The following KDM2A variants were observed in gnomAD, a reference collection of about 807,000 sequenced individuals.
KDM2A encodes the protein lysine-specific demethylase 2A.
In KDM2A, 3 loss-of-function variants were observed where a neutral mutation model predicts 137.3. That is an observed-to-expected ratio of 0.02 (90% confidence interval 0.01 to 0.06). The LOEUF is 0.06. KDM2A is among the 10% of genes least tolerant of loss of function. The probability of loss-of-function intolerance (pLI) is 1.00; values close to 1 mark genes in which losing one functional copy is unlikely to be tolerated. For synonymous variants in KDM2A, 512 were observed against 541.5 expected (o/e 0.95, Z 0.76); for missense variants, 738 against 1,510.6 (o/e 0.49, Z 8.48).
intron 17 of KDM2A, among the ~76,000 whole-genome samples, chr11:67,251,558 T>A (rs1355659646): frequency 6.6e-6 from 1 of 152,232 alleles, no homozygotes; most frequent in African/African-American, 2.4e-5. Flanking sequence ...TAGTGTGGTG[T>A]CCTGACCAAT....
chr11:67,215,491 C>A, intron 7 of KDM2A, 45 bp downstream of exon 7: 5 of 1,257,770 alleles, frequency 4.0e-6, no homozygotes, highest in South Asian at 2.4e-5. Context: ...TGTGGGAGAC[C>A]AAAGCAATAG....
Position 67,255,217 on chromosome 11 carries a change from G to T in KDM2A, c.*162G>T, listed in dbSNP as rs1007965944. On this transcript the variant is annotated 3_prime_UTR_variant, in exon 21 of 21. Coordinates refer to ENST00000529006, the MANE Select transcript of KDM2A (RefSeq NM_012308.3). ...CTCTACAGGTGGGGCAGAGAGGGTG[G>T]TGGACACCAGGCTTATCTGCCTGCT... 7 of 639,526 alleles carry T rather than the reference G, an allele frequency of 1.1e-5. No homozygotes were observed. In the African/African-American group the frequency reaches 1.3e-4, roughly 12 times the overall value. 39.6% of individuals were successfully genotyped at this position (639,526 alleles called of 1,614,324 possible). A position where few individuals can be genotyped will look rare whatever the true frequency, so the allele number is the denominator to read the frequency against.
chr11:67,203,035 T>A (rs1021318647), intron 5 of KDM2A, among the ~76,000 whole-genome samples: 1 of 150,436 alleles, frequency 6.6e-6, no homozygotes, highest in African/African-American at 2.4e-5. Context: ...CGGTTTACAC[T>A]TCAGCGAAAG....
At chr11:67,234,236 A>G (rs1426633165) in intron 12 of KDM2A, among the ~76,000 whole-genome samples, 1 of 152,260 alleles carries the variant, frequency 6.6e-6, no homozygotes. Context: ...TAGATTGGGT[A>G]GCTGCTGAAT....
At chr11:67,151,867 C>G (rs986279220) in intron 2 of KDM2A, among the ~76,000 whole-genome samples, 1 of 152,118 alleles carries the variant, frequency 6.6e-6, no homozygotes, top group Non-Finnish European at 1.5e-5. Flanking sequence ...ACCTCAACCT[C>G]CTGCGTAGCT....
intron 2 of KDM2A, among the ~76,000 whole-genome samples, chr11:67,162,435 C>T (rs973173366): frequency 6.6e-6 from 1 of 152,118 alleles, no homozygotes; most frequent in African/African-American, 2.4e-5. Flanking sequence ...GACAGAGTCT[C>T]GTTCTGTCAC....
intron 10 of KDM2A, among the ~76,000 whole-genome samples, chr11:67,226,697 G>C (rs1348647120): frequency 6.6e-6 from 1 of 152,162 alleles, no homozygotes; most frequent in Non-Finnish European, 1.5e-5. Context: ...ACTCCAGCCT[G>C]GGCAACAGAG....
chr11:67,223,386 T>G (rs2136410040), intron 10 of KDM2A, among the ~76,000 whole-genome samples: 1 of 145,536 alleles, frequency 6.9e-6, no homozygotes, highest in East Asian at 2.0e-4. Flanking sequence ...CCTTTTTTCT[T>G]TCTTATTTAT....
chr11:67,191,661 TAAC>T (rs1268469091), intron 5 of KDM2A, among the ~76,000 whole-genome samples: 2 of 152,092 alleles, frequency 1.3e-5, no homozygotes, highest in South Asian at 2.1e-4. Flanking sequence ...TAAAAACACT[TAAC>T]AAACTAGAAA....
chr11:67,137,218 T>C (rs1445454354), intron 2 of KDM2A, among the ~76,000 whole-genome samples: 4 of 151,870 alleles, frequency 2.6e-5, no homozygotes, highest in Non-Finnish European at 5.9e-5. Context: ...AAGGAGAGAG[T>C]TAAAATTCTT....
At chr11:67,211,847 AG>A (rs1169872530) in intron 6 of KDM2A, among the ~76,000 whole-genome samples, 1 of 152,098 alleles carries the variant, frequency 6.6e-6, no homozygotes, top group Non-Finnish European at 1.5e-5. Flanking sequence ...CACAACCTTC[AG>A]GGTTTGCCTA....
At chr11:67,222,059 CT>C (rs11373238) in intron 10 of KDM2A, among the ~76,000 whole-genome samples, 9,192 of 110,490 alleles carry the variant, frequency 0.083, 870 homozygotes, top group African/African-American at 0.22. Flanking sequence ...CTCTGTCATT[CT>C]TTTTTTTTTT....
intron 10 of KDM2A, among the ~76,000 whole-genome samples, chr11:67,224,947 T>C (rs1380046962): frequency 7.1e-6 from 1 of 141,364 alleles, no homozygotes; most frequent in African/African-American, 2.6e-5. Flanking sequence ...GTTCAAACAA[T>C]TCTCCTGCCC....
At chr11:67,226,132 C>G (rs1320949292) in intron 10 of KDM2A, among the ~76,000 whole-genome samples, 1 of 151,700 alleles carries the variant, frequency 6.6e-6, no homozygotes, top group African/African-American at 2.4e-5. Flanking sequence ...GGGCACACAC[C>G]TATAATCCCA....
At chr11:67,157,723 C>T (rs189559762) in intron 2 of KDM2A, among the ~76,000 whole-genome samples, 7 of 141,490 alleles carry the variant, frequency 4.9e-5, no homozygotes, top group Admixed American at 1.5e-4. Flanking sequence ...CCAGCCTGGG[C>T]GACAAAAGCA....
At chr11:67,145,739 C>G (rs1004109744) in intron 2 of KDM2A, among the ~76,000 whole-genome samples, 1 of 151,998 alleles carries the variant, frequency 6.6e-6, no homozygotes, top group African/African-American at 2.4e-5. Flanking sequence ...CGGCTACTTT[C>G]TCTTTTCTTA....
intron 12 of KDM2A, among the ~76,000 whole-genome samples, chr11:67,242,320 G>C (rs1859070715): frequency 6.6e-6 from 1 of 151,734 alleles, no homozygotes; most frequent in African/African-American, 2.4e-5. Context: ...GAGAGAGAAA[G>C]AAAGAGATTT....
chr11:67,127,699 AATTAATTT>A (rs1458786985), intron 2 of KDM2A, among the ~76,000 whole-genome samples: 9 of 151,800 alleles, frequency 5.9e-5, no homozygotes, highest in African/African-American at 1.7e-4. Context: ...TTTTTAAATT[AATTAATTT>A]ATTTATTTAT....
At chr11:67,150,014 G>C (rs1010969719) in intron 2 of KDM2A, among the ~76,000 whole-genome samples, 1 of 152,130 alleles carries the variant, frequency 6.6e-6, no homozygotes, top group African/African-American at 2.4e-5. Context: ...GAGCCACTGC[G>C]CATGGCCTAG....
Sources: allele counts gnomAD v4.1 joint callset (sites outside exome capture counted in the v4.1 genomes callset), GRCh38; gene constraint gnomAD v4.1.1; transcripts MANE v1.5; gene names NCBI Gene and HGNC (gene_info 2026-07-23, HGNC 2026-07-21).